Variants in HECTD2 observed in about 807,000 individuals in gnomAD.
HECTD2 encodes HECT domain E3 ubiquitin protein ligase 2, also known as probable E3 ubiquitin-protein ligase HECTD2.
HECTD2 carries 35 observed loss-of-function variants against 103.2 expected under a neutral mutation model. The observed-to-expected ratio is 0.34, with a 90% CI of 0.26 to 0.45. The LOEUF is 0.45. Ranked by LOEUF, HECTD2 falls within the 20% of genes least tolerant of loss-of-function variation. HECTD2 has a pLI of 1.00. For synonymous variants in HECTD2, 281 were observed against 329.9 expected, an observed-to-expected ratio of 0.85 and a Z score of 1.61; for missense variants, 596 against 937.4, an observed-to-expected ratio of 0.64 and a Z score of 4.76.
At chr10:91,471,579 A>C (rs1424528439) in intron 5 of HECTD2, among the ~76,000 whole-genome samples, 1 of 152,226 alleles carries the variant, frequency 6.6e-6, no homozygotes, top group Non-Finnish European at 1.5e-5. Flanking sequence ...CCCTCTGCCC[A>C]AAAGCTCCTA....
chr10:91,449,539 G>A (rs1266904704), intron 2 of HECTD2, among the ~76,000 whole-genome samples: 2 of 152,054 alleles, frequency 1.3e-5, no homozygotes, highest in African/African-American at 4.8e-5. Flanking sequence ...GGAAATTTTG[G>A]CCAGGGCAAT....
chr10:91,446,080 G>T (rs1371370513), intron 2 of HECTD2, among the ~76,000 whole-genome samples: 1 of 152,134 alleles, frequency 6.6e-6, no homozygotes, highest in East Asian at 1.9e-4. Context: ...TCCTGACTGG[G>T]AGATACCTCC....
chr10:91,443,898 A>C (rs1322043593), intron 2 of HECTD2, among the ~76,000 whole-genome samples: 4 of 152,186 alleles, frequency 2.6e-5, no homozygotes, highest in African/African-American at 7.2e-5. Flanking sequence ...AGTAATTTCT[A>C]CTGCAAACAC....
intron 2 of HECTD2, among the ~76,000 whole-genome samples, chr10:91,455,103 T>G (rs1371894766): frequency 6.6e-6 from 1 of 152,146 alleles, no homozygotes; most frequent in Non-Finnish European, 1.5e-5. Context: ...GATGGCTGGG[T>G]CAAATGGTAT....
intron 2 of HECTD2, among the ~76,000 whole-genome samples, chr10:91,458,797 C>A (rs532159028): frequency 3.3e-5 from 5 of 151,772 alleles, no homozygotes; most frequent in Non-Finnish European, 7.4e-5. Flanking sequence ...AAAAATGAAA[C>A]GATCTTTGGG....
Position 91,424,108 on chromosome 10 carries a change from C to T in HECTD2, c.139-1173C>T, listed in dbSNP as rs186006814. On this transcript the variant is annotated intron_variant, in intron 1 of 20. Transcript: ENST00000298068. Reference sequence around the variant, plus strand: ...ATAGTCACTCAAGAACCCAAGCTAACAGATGCTCTAACATGTCAACTCAGC... The same window carrying T: ...ATAGTCACTCAAGAACCCAAGCTAATAGATGCTCTAACATGTCAACTCAGC... Among the ~76,000 whole-genome samples the T allele has an allele frequency of 3.0e-4, 46 of 152,222 alleles. 1 individual carries two copies. The highest frequency in any genetic ancestry group is 9.4e-4 in the African/African-American group (39 of 41,532).
chr10:91,435,816 T>C (rs1034840975), intron 2 of HECTD2, among the ~76,000 whole-genome samples: 11 of 152,034 alleles, frequency 7.2e-5, no homozygotes, highest in Admixed American at 6.6e-4. Flanking sequence ...GATGATTTTC[T>C]CTCCTCTGTA....
intron 2 of HECTD2, among the ~76,000 whole-genome samples, chr10:91,439,429 G>A (rs1756299789): frequency 6.6e-6 from 1 of 151,862 alleles, no homozygotes; most frequent in African/African-American, 2.4e-5. Flanking sequence ...CGGTTCCATT[G>A]GTCTATATAT....
At chr10:91,449,450 T>C (rs1055270882) in intron 2 of HECTD2, among the ~76,000 whole-genome samples, 11 of 152,128 alleles carry the variant, frequency 7.2e-5, no homozygotes, top group Middle Eastern at 3.4e-3. Context: ...ACTGAATGGG[T>C]AAAAGCTGGA....
At position 91,513,432 on chromosome 10, in the gene HECTD2, T is replaced by G. The variant is rs896868296; in HGVS notation, c.*1048T>G. On this transcript the variant is annotated 3_prime_UTR_variant, in exon 21 of 21. Transcript: ENST00000298068. Reference sequence around the variant, plus strand: ...TGTGTCAAAATGATATAGCTTAGTATAAAAATAAAATTCAACGTTTTGGCC... The same window carrying G: ...TGTGTCAAAATGATATAGCTTAGTAGAAAAATAAAATTCAACGTTTTGGCC... The G allele has an allele frequency of 6.6e-6, 1 of 152,624 alleles. No individual in the cohort carries two copies. Among genetic ancestry groups the G allele is most frequent in the Non-Finnish European group, 1.5e-5 (1 of 68,022 alleles). The allele number at this position is 152,624 out of a possible 1,614,324, so 9.5% of individuals were successfully genotyped here.
chr10:91,440,609 A>G (rs1310045673), intron 2 of HECTD2, among the ~76,000 whole-genome samples: 1 of 133,704 alleles, frequency 7.5e-6, no homozygotes, highest in Admixed American at 7.7e-5. Context: ...GTTAGGGAGG[A>G]GTTCCTCTTT....
chr10:91,425,608 C>T (rs111608011), intron 2 of HECTD2, among the ~76,000 whole-genome samples, 198 bp downstream of exon 2: 6 of 151,052 alleles, frequency 4.0e-5, no homozygotes, highest in African/African-American at 9.7e-5. Flanking sequence ...ATACAAAACT[C>T]GTGAATAATA....
chr10:91,454,576 T>TC (rs1472264322), intron 2 of HECTD2, among the ~76,000 whole-genome samples: 1 of 150,658 alleles, frequency 6.6e-6, no homozygotes, highest in African/African-American at 2.4e-5. Context: ...GAAAGTGTCT[T>TC]TTTTTTTTAA....
chr10:91,412,168 C>T (rs1289145753), intron 1 of HECTD2, among the ~76,000 whole-genome samples: 2 of 152,158 alleles, frequency 1.3e-5, no homozygotes, highest in Non-Finnish European at 2.9e-5. Flanking sequence ...CTCTAATCAA[C>T]CATCTTAATA....
chr10:91,436,096 A>T (rs1162404625), intron 2 of HECTD2, among the ~76,000 whole-genome samples: 2 of 151,812 alleles, frequency 1.3e-5, no homozygotes, highest in Non-Finnish European at 2.9e-5. Context: ...ATAAGTTTAA[A>T]AATTTTTTTC....
rs1190427664 is a variant in HECTD2, at chr10:91,410,414, T to TGGCGCTCCCGCCGCCC, written c.-21_-6dup. 2.9e-6 allele frequency: 4 copies of TGGCGCTCCCGCCGCCC among 1,359,444 alleles called. No individual in the cohort carries two copies. The South Asian group carries it at 5.1e-5, about 17-fold the overall frequency. The allele number at this position is 1,359,444 out of a possible 1,614,324, so 84.2% of individuals were successfully genotyped here. ...CAACACTGAGGCCGCCGCCGCCGCC[T>TGGCGCTCCCGCCGCCC]GGCGCTCCCGCCGCCCGGCCCGACA... On this transcript the variant is annotated 5_prime_UTR_variant, in exon 1 of 21. Coordinates refer to ENST00000298068, the MANE Select transcript of HECTD2 (RefSeq NM_182765.6).
intron 2 of HECTD2, among the ~76,000 whole-genome samples, chr10:91,431,011 C>A (rs1411893670): frequency 6.6e-6 from 1 of 151,626 alleles, no homozygotes; most frequent in South Asian, 2.1e-4. Context: ...TTTGCAGCGG[C>A]TGGTACAGGT....
intron 10 of HECTD2, chr10:91,486,206 G>A (rs1007012682): frequency 1.3e-5 from 2 of 152,086 alleles, no homozygotes; most frequent in African/African-American, 4.8e-5. Context: ...CTGAAACATA[G>A]AATGGGCTTC....
chr10:91,437,984 T>C (rs1844208086), intron 2 of HECTD2, among the ~76,000 whole-genome samples: 1 of 152,060 alleles, frequency 6.6e-6, no homozygotes. Context: ...AGCATAATTA[T>C]ATTAAGCAGA....
Sources: gnomAD v4.1 joint callset for allele counts (sites outside exome capture counted in the v4.1 genomes callset) on GRCh38, gnomAD v4.1.1 for gene constraint, MANE v1.5 for transcripts, NCBI Gene and HGNC (gene_info 2026-07-23, HGNC 2026-07-21) for gene names.